The following ZDHHC5 variants were observed in gnomAD, a reference collection of about 807,000 sequenced individuals.
The protein encoded by ZDHHC5 is zDHHC palmitoyltransferase 5, also known as palmitoyltransferase ZDHHC5.
ZDHHC5 carries 22 observed loss-of-function variants against 70.0 expected under a neutral mutation model. That is an observed-to-expected ratio of 0.31 (90% CI 0.22 to 0.45). ZDHHC5 has a LOEUF of 0.45. ZDHHC5 is among the 20% of genes least tolerant of loss of function. ZDHHC5 has a pLI of 1.00. For synonymous variants in ZDHHC5, 313 were observed against 347.8 expected (o/e 0.90, Z 1.11); for missense variants, 746 against 926.9 (o/e 0.80, Z 2.53).
At chr11:57,668,271 G>A (rs1342663639) in intron 1 of ZDHHC5, 84 bp downstream of exon 1, 7 of 330,812 alleles carry the variant, frequency 2.1e-5, no homozygotes, top group African/African-American at 1.5e-4. Context: ...CTAGGGAAGG[G>A]GGACCGAAGA....
chr11:57,676,187 A>G (rs569695639), intron 2 of ZDHHC5, among the ~76,000 whole-genome samples: 83 of 152,340 alleles, frequency 5.4e-4, no homozygotes, highest in Middle Eastern at 3.4e-3. Flanking sequence ...AGCAGAAATT[A>G]CTAGTTGAGT....
chr11:57,686,476 T>C (rs1334691942), intron 3 of ZDHHC5, among the ~76,000 whole-genome samples: 2 of 151,970 alleles, frequency 1.3e-5, no homozygotes, highest in African/African-American at 4.8e-5. Context: ...CCACCGTGCC[T>C]GGCTAATTTT....
At chr11:57,674,538 C>T (rs984737422) in intron 2 of ZDHHC5, among the ~76,000 whole-genome samples, 5 of 151,914 alleles carry the variant, frequency 3.3e-5, no homozygotes, top group African/African-American at 9.7e-5. Flanking sequence ...TTATTCAGAG[C>T]AACATGAGGT....
chr11:57,687,606 C>G (rs565200992), intron 3 of ZDHHC5, among the ~76,000 whole-genome samples: 1 of 151,914 alleles, frequency 6.6e-6, no homozygotes, highest in East Asian at 1.9e-4. Flanking sequence ...TATGAGAAGG[C>G]AAATAATGTC....
At chr11:57,677,665 A>G (rs936930914) in intron 2 of ZDHHC5, among the ~76,000 whole-genome samples, 3 of 152,066 alleles carry the variant, frequency 2.0e-5, no homozygotes, top group African/African-American at 7.2e-5. Context: ...CCCATCCATT[A>G]TATAGTTTGC....
At chr11:57,685,189 C>T (rs1383708207) in intron 3 of ZDHHC5, among the ~76,000 whole-genome samples, 1 of 152,136 alleles carries the variant, frequency 6.6e-6, no homozygotes, top group Non-Finnish European at 1.5e-5. Context: ...CCAAAGCCTA[C>T]ATCATTGTGC....
chr11:57,676,559 G>A (rs533123221), intron 2 of ZDHHC5, among the ~76,000 whole-genome samples: 1 of 152,166 alleles, frequency 6.6e-6, no homozygotes, highest in South Asian at 2.1e-4. Context: ...AACCTTTGTG[G>A]ACCTAAGTTC....
chr11:57,698,150 A>ACAC (rs1565199239), intron 10 of ZDHHC5, among the ~76,000 whole-genome samples: 6,045 of 116,216 alleles, frequency 0.052, 160 homozygotes, highest in Middle Eastern at 0.065. Context: ...CACACACACA[A>ACAC]ACAAATGCCA....
chr11:57,699,979 G>T lies in ZDHHC5; in HGVS notation c.2096G>T (p.Gly699Val). ...QPPLSSPTRG[G>V]VKKVSGVGGT... ...CCTCTCAGTAGCCCCACGAGGGGAG[G>T]AGTCAAGAAGGTGTCAGGGGTTGGT... Residue 699 changes from glycine to valine, a missense_variant, in exon 12 of 12, where the codon GGA becomes GTA. By Grantham distance (109) the Gly-to-Val change is moderately radical (BLOSUM62 -3). Coordinates refer to ENST00000287169, the MANE Select transcript of ZDHHC5 (RefSeq NM_015457.3). 6.2e-7 allele frequency: 1 copy of T among 1,613,086 alleles called. No homozygotes were observed. The highest frequency in any genetic ancestry group is 1.1e-5 in the South Asian group (1 of 90,934).
intron 2 of ZDHHC5, among the ~76,000 whole-genome samples, chr11:57,678,808 G>C (rs537354790): frequency 6.6e-6 from 1 of 151,972 alleles, no homozygotes; most frequent in Non-Finnish European, 1.5e-5. Context: ...GAATCTGGGA[G>C]GCAATTTTAG....
intron 8 of ZDHHC5, among the ~76,000 whole-genome samples, chr11:57,694,631 G>C (rs892984461): frequency 3.3e-5 from 5 of 152,096 alleles, no homozygotes; most frequent in Admixed American, 2.6e-4. Context: ...CAAAATGCTA[G>C]GATTATAGGT....
At chr11:57,682,946 G>A (rs1946166839) in intron 3 of ZDHHC5, among the ~76,000 whole-genome samples, 1 of 152,196 alleles carries the variant, frequency 6.6e-6, no homozygotes. Context: ...GCAAGAGCAA[G>A]GTTCTGTGAG....
rs569031203 is a variant in ZDHHC5 at position 57,669,772 on chromosome 11, T to A, written c.-1071+1585T>A. Among the ~76,000 whole-genome samples the A allele has an allele frequency of 2.4e-4, 37 of 152,374 alleles. 1 individual carries two copies. The South Asian group carries it at 7.7e-3, about 32-fold the overall frequency. ...CCGTGCCCAGCTGGCATACATATTC[T>A]TGTATACTTTTTTGATACTAGTATG... On this transcript the variant is annotated intron_variant, in intron 1 of 11. Coordinates refer to ENST00000287169, the MANE Select transcript of ZDHHC5 (RefSeq NM_015457.3).
chr11:57,668,720 C>T (rs1005934662), intron 1 of ZDHHC5: 2 of 152,652 alleles, frequency 1.3e-5, no homozygotes, highest in Non-Finnish European at 2.9e-5. Context: ...CATCCTGTTA[C>T]CTGTTCTCTC....
rs767994597 is a variant in ZDHHC5 at position 57,690,451 on chromosome 11, T to G, written c.660+14T>G. 23 of 1,613,778 alleles carry G rather than the reference T, an allele frequency of 1.4e-5. No homozygotes were observed. The highest frequency in any genetic ancestry group is 1.9e-5 in the Non-Finnish European group (22 of 1,179,948). On this transcript the variant is annotated intron_variant, in intron 6 of 11. Coordinates refer to ENST00000287169, the MANE Select transcript of ZDHHC5 (RefSeq NM_015457.3). ...ACCAATGAACAGGTATGGAGAAAAG[T>G]GACGAGAGACCCCTGAAGAGCAGGT... is the stretch of plus-strand genomic sequence containing the variant.
chr11:57,683,191 G>T (rs574684885), intron 3 of ZDHHC5, among the ~76,000 whole-genome samples: 1 of 152,304 alleles, frequency 6.6e-6, no homozygotes, highest in South Asian at 2.1e-4. Context: ...TAAACCCAGA[G>T]CCAAATTGTC....
rs1946268440 is a variant in ZDHHC5, at chr11:57,690,456, A to G, written c.660+19A>G. The G allele has an allele frequency of 6.2e-7, 1 of 1,613,330 alleles. No individual in the cohort carries two copies. The highest frequency in any genetic ancestry group is 1.1e-5 in the South Asian group (1 of 91,058). On this transcript the variant is annotated intron_variant, in intron 6 of 11. Transcript: ENST00000287169. ...TGAACAGGTATGGAGAAAAGTGACG[A>G]GAGACCCCTGAAGAGCAGGTCATGT...
In ZDHHC5 at chr11:57,673,373, C is replaced by T. The variant is rs12289980; in HGVS notation, c.104+179C>T. On this transcript the variant is annotated intron_variant, in intron 2 of 11. Coordinates refer to ENST00000287169, the MANE Select transcript of ZDHHC5 (RefSeq NM_015457.3). ...ATGAGAAAAAGCCTGTCCTTTCAGT[C>T]GTGTTATCAGTTTTACTTCGCTGAA... Among the ~76,000 whole-genome samples, 1,161 of 152,232 alleles carry T rather than the reference C, an allele frequency of 7.6e-3. 24 individuals carry two copies. The highest frequency in any genetic ancestry group is 0.027 in the African/African-American group (1,102 of 41,536).
chr11:57,675,369 A>G (rs1463111013), intron 2 of ZDHHC5, among the ~76,000 whole-genome samples: 1 of 152,230 alleles, frequency 6.6e-6, no homozygotes, highest in African/African-American at 2.4e-5. Flanking sequence ...TGGTTATACC[A>G]GTTTGCCTAC....
Sources: allele counts gnomAD v4.1 joint callset (sites outside exome capture counted in the v4.1 genomes callset), GRCh38; gene constraint gnomAD v4.1.1; transcripts MANE v1.5; gene names NCBI Gene and HGNC (gene_info 2026-07-23, HGNC 2026-07-21).